FREM1: variants seen among roughly 807,000 people sequenced by gnomAD.
FREM1 encodes the protein FRAS1 related extracellular matrix 1, also known as FRAS1-related extracellular matrix protein 1.
FREM1 carries 220 observed loss-of-function variants against 210.1 expected under a neutral mutation model. That is an observed-to-expected ratio of 1.05 (90% CI 0.94 to 1.17). FREM1 has a LOEUF of 1.17. FREM1 is among the 50% of genes most tolerant of loss of function. The pLI is 0.00. For missense variants in FREM1, 3,454 were observed against 2,675.5 expected, an observed-to-expected ratio of 1.29 and a Z score of -6.42; for synonymous variants, 1,189 against 980.2, an observed-to-expected ratio of 1.21 and a Z score of -3.98.
intron 27 of FREM1, among the ~76,000 whole-genome samples, chr9:14,766,799 A>G (rs758571416): frequency 8.5e-5 from 13 of 152,188 alleles, no homozygotes; most frequent in Non-Finnish European, 1.9e-4. Flanking sequence ...TGTCTAAGCC[A>G]AAGAACACCA....
chr9:14,866,391 G>A (rs7020282), intron 2 of FREM1, among the ~76,000 whole-genome samples: 80,118 of 151,932 alleles, frequency 0.53, 23,194 homozygotes, highest in African/African-American at 0.77. Flanking sequence ...TATATAATGG[G>A]GACAATTTTA....
In FREM1 at chr9:14,810,606, G is replaced by T. The variant is rs567449622; in HGVS notation, c.2893+2206C>A. 5.7e-4 allele frequency among the ~76,000 whole-genome samples: 86 copies of T among 152,006 alleles called. 2 individuals are homozygous for T. The highest frequency in any genetic ancestry group is 4.2e-3 in the South Asian group (20 of 4,804). ...GCTGGGACCAGATAATGTTAATTGG[G>T]GAATAGCAAATTATTAATGGACTTT... On this transcript the variant is annotated intron_variant, in intron 16 of 36. Coordinates refer to ENST00000380880, the MANE Select transcript of FREM1 (RefSeq NM_001379081.2).
intron 1 of FREM1, among the ~76,000 whole-genome samples, chr9:14,907,836 A>T (rs1247158182): frequency 6.6e-6 from 1 of 152,250 alleles, no homozygotes; most frequent in Non-Finnish European, 1.5e-5. Context: ...TCAGAATATC[A>T]GAGCTAGGAA....
chr9:14,801,370 G>A (rs1165015714), intron 20 of FREM1, among the ~76,000 whole-genome samples: 2 of 152,160 alleles, frequency 1.3e-5, no homozygotes, highest in Non-Finnish European at 2.9e-5. Context: ...TGATTGGTGA[G>A]AACTCTTAAA....
chr9:14,738,026 A>G (rs977370792), intron 36 of FREM1, among the ~76,000 whole-genome samples: 9 of 152,094 alleles, frequency 5.9e-5, no homozygotes, highest in Non-Finnish European at 1.0e-4. Context: ...CTTGCATATT[A>G]TTTTTCTTCC....
At chr9:14,861,551 G>A (rs1171095651) in intron 3 of FREM1, among the ~76,000 whole-genome samples, 1 of 142,362 alleles carries the variant, frequency 7.0e-6, no homozygotes, top group Admixed American at 7.4e-5. Context: ...CTGTTGCCCA[G>A]GCTGGAGTGC....
At chr9:14,882,111 T>TTGTGTG (rs59804222) in intron 1 of FREM1, among the ~76,000 whole-genome samples, 34 of 151,612 alleles carry the variant, frequency 2.2e-4, no homozygotes, top group Middle Eastern at 3.4e-3. Context: ...TGTTATTATT[T>TTGTGTG]TGTGTGTGTG....
At chr9:14,861,238 TACAC>T (rs1335529921) in intron 3 of FREM1, among the ~76,000 whole-genome samples, 1 of 98,664 alleles carries the variant, frequency 1.0e-5, no homozygotes, top group African/African-American at 4.9e-5. Flanking sequence ...TACACATATA[TACAC>T]ACATATATAC....
At chr9:14,827,372 T>C (rs150329039) in intron 10 of FREM1, among the ~76,000 whole-genome samples, 9 of 152,340 alleles carry the variant, frequency 5.9e-5, no homozygotes, top group African/African-American at 1.4e-4. Flanking sequence ...TAACACGTTA[T>C]GTAAGGCAGA....
Position 14,769,888 on chromosome 9 carries a change from A to AATATC in FREM1, c.5060-25_5060-21dup. The AATATC allele has an allele frequency of 1.6e-6, 2 of 1,254,802 alleles. No homozygotes were observed. Among genetic ancestry groups the AATATC allele is most frequent in the Non-Finnish European group, 2.3e-6 (2 of 883,086 alleles). 77.7% of individuals were successfully genotyped at this position (1,254,802 alleles called of 1,614,324 possible). A position where few individuals can be genotyped will look rare whatever the true frequency, so the allele number is the denominator to read the frequency against. ...ATTCACCTAAAAAAAGAAATAAATG[A>AATATC]ATATCATGGGTAATCAAACAAAACA... On this transcript the variant is annotated intron_variant, in intron 26 of 36. Coordinates refer to ENST00000380880, the MANE Select transcript of FREM1 (RefSeq NM_001379081.2).
intron 4 of FREM1, among the ~76,000 whole-genome samples, 188 bp from the exon 5 acceptor site, chr9:14,857,937 G>A (rs1334196456): frequency 1.3e-5 from 2 of 152,036 alleles, no homozygotes; most frequent in Non-Finnish European, 2.9e-5. Context: ...ACTGAAAAAC[G>A]GTTGACCAGT....
intron 30 of FREM1, 54 bp from the exon 31 acceptor site, chr9:14,748,693 G>A (rs947012443): frequency 1.8e-6 from 2 of 1,119,108 alleles, no homozygotes; most frequent in African/African-American, 1.5e-5. Flanking sequence ...AACAGATAAG[G>A]TATCACATTG....
chr9:14,829,868 G>C (rs1376290179), intron 10 of FREM1, among the ~76,000 whole-genome samples: 1 of 152,134 alleles, frequency 6.6e-6, no homozygotes, highest in Non-Finnish European at 1.5e-5. Context: ...TAATCCAGGA[G>C]AGAGTAATAT....
At chr9:14,837,589 T>G (rs557187219) in intron 10 of FREM1, among the ~76,000 whole-genome samples, 3 of 152,310 alleles carry the variant, frequency 2.0e-5, no homozygotes, top group African/African-American at 7.2e-5. Flanking sequence ...AATGGTCTCT[T>G]TGAAGGCACA....
At chr9:14,867,967 G>T (rs912493486) in intron 2 of FREM1, among the ~76,000 whole-genome samples, 30 of 152,134 alleles carry the variant, frequency 2.0e-4, no homozygotes, top group Non-Finnish European at 4.0e-4. Flanking sequence ...TCTACAAGAA[G>T]ATTGACAATA....
rs1213697499 is a variant in FREM1, at chr9:14,770,708, A to G, written c.4956T>C (p.Thr1652=). 1 of 1,613,140 alleles carries G rather than the reference A, an allele frequency of 6.2e-7. No homozygotes were observed. The highest frequency in any genetic ancestry group is 1.1e-5 in the South Asian group (1 of 91,056). Residue 1652 remains threonine, a synonymous_variant, in exon 26 of 37, where the codon ACT becomes ACC. Transcript: ENST00000380880. ...LKNGCYGIYI[T]SRVLKASDPD... ...GGTCTGATGCCTTCAACACGCGGGA[A>G]GTGATGTAAATCCCGTAGCAGCCAT... is the stretch of plus-strand genomic sequence containing the variant.
At chr9:14,738,807 C>A (rs576924667) in intron 36 of FREM1, among the ~76,000 whole-genome samples, 5 of 151,902 alleles carry the variant, frequency 3.3e-5, no homozygotes, top group African/African-American at 7.2e-5. Flanking sequence ...GTCAGGAGTT[C>A]GAGACCAGCC....
intron 1 of FREM1, among the ~76,000 whole-genome samples, chr9:14,903,528 G>A (rs1047000408): frequency 6.6e-6 from 1 of 152,064 alleles, no homozygotes; most frequent in African/African-American, 2.4e-5. Flanking sequence ...AACCCCTCAA[G>A]AAATGCCTCA....
At position 14,759,268 on chromosome 9, in the gene FREM1, C is replaced by T. The variant is rs376189572; in HGVS notation, c.5334+504G>A. 6.7e-4 allele frequency among the ~76,000 whole-genome samples: 102 copies of T among 152,154 alleles called. 1 individual carries two copies. The East Asian group carries it at 0.019, about 28-fold the overall frequency. On this transcript the variant is annotated intron_variant, in intron 28 of 36. Coordinates refer to ENST00000380880, the MANE Select transcript of FREM1 (RefSeq NM_001379081.2). Reference sequence around the variant, plus strand: ...CTCACGCTTGTAATCCCAGCACTTTCGAAGGCCAAGGTGGATGGATTGCCT... The same window carrying T: ...CTCACGCTTGTAATCCCAGCACTTTTGAAGGCCAAGGTGGATGGATTGCCT...
Sources: allele counts gnomAD v4.1 joint callset (sites outside exome capture counted in the v4.1 genomes callset), GRCh38; gene constraint gnomAD v4.1.1; transcripts MANE v1.5; gene names NCBI Gene and HGNC (gene_info 2026-07-23, HGNC 2026-07-21).